Variants in ZNF215 observed in about 807,000 individuals in gnomAD.
The protein encoded by ZNF215 is zinc finger protein 215, also known as BWSCR2-associated zinc finger protein 2.
In ZNF215, 24 loss-of-function variants were observed where a neutral mutation model predicts 27.2. That is an observed-to-expected ratio of 0.88 (90% CI 0.64 to 1.24). The LOEUF is 1.24. Among genes scored for constraint, ZNF215 ranks in the 50% most tolerant of loss-of-function variants. The pLI is 0.00. For synonymous variants in ZNF215, 210 were observed against 204.0 expected, an observed-to-expected ratio of 1.03 and a Z score of -0.25; for missense variants, 675 against 605.7, an observed-to-expected ratio of 1.11 and a Z score of -1.20.
chr11:6,978,678 G>A (rs1850882581), intron 5 of ZNF215, among the ~76,000 whole-genome samples: 1 of 151,844 alleles, frequency 6.6e-6, no homozygotes, highest in South Asian at 2.1e-4. Context: ...CAGTGCTTTG[G>A]GAAGCTGATG....
At chr11:6,943,321 A>G (rs1163977120) in intron 5 of ZNF215, 106 bp downstream of exon 5, 8 of 1,479,714 alleles carry the variant, frequency 5.4e-6, no homozygotes, top group Non-Finnish European at 7.3e-6. Context: ...GTCTGGGTTG[A>G]GGTTTGCTAA....
chr11:6,990,267 T>C (rs146902317), downstream of ZNF215, among the ~76,000 whole-genome samples: 315 of 152,318 alleles, frequency 2.1e-3, 3 homozygotes, highest in Admixed American at 5.6e-3. Context: ...ACTGCTGCTG[T>C]ACCTCAGCCC....
chr11:6,941,123 C>T (rs1216318054), intron 3 of ZNF215, among the ~76,000 whole-genome samples: 1 of 152,176 alleles, frequency 6.6e-6, no homozygotes, highest in Admixed American at 6.5e-5. Context: ...ATAGTAAGCA[C>T]AGAGCAACTT....
chr11:6,945,213 T>C (rs931458693), intron 6 of ZNF215, among the ~76,000 whole-genome samples: 1 of 152,180 alleles, frequency 6.6e-6, no homozygotes, highest in Non-Finnish European at 1.5e-5. Context: ...CTTTTCTTCC[T>C]TTCTAAGGTA....
At chr11:6,980,590 C>A (rs1850927624) in intron 5 of ZNF215, among the ~76,000 whole-genome samples, 1 of 148,386 alleles carries the variant, frequency 6.7e-6, no homozygotes, top group Non-Finnish European at 1.5e-5. Context: ...TGAAATTAAA[C>A]TGATCTTAGT....
At chr11:6,978,893 A>G (rs1261095931) in intron 5 of ZNF215, among the ~76,000 whole-genome samples, 1 of 152,152 alleles carries the variant, frequency 6.6e-6, no homozygotes, top group Non-Finnish European at 1.5e-5. Flanking sequence ...TAGTTGAATT[A>G]TAAGATGAAC....
At chr11:6,943,363 C>G (rs1849695871) in intron 5 of ZNF215, 148 bp downstream of exon 5, 5 of 1,316,030 alleles carry the variant, frequency 3.8e-6, no homozygotes, top group Non-Finnish European at 5.2e-6. Flanking sequence ...GATTTTCTGA[C>G]TCATCTGGAT....
intron 5 of ZNF215, among the ~76,000 whole-genome samples, chr11:6,963,140 C>T (rs1330143417): frequency 1.3e-5 from 2 of 152,074 alleles, no homozygotes; most frequent in Non-Finnish European, 2.9e-5. Context: ...ATCACACAGT[C>T]ATGTAACTAC....
At chr11:6,954,475 G>T (rs1004068818) in intron 6 of ZNF215, among the ~76,000 whole-genome samples, 48 of 152,218 alleles carry the variant, frequency 3.2e-4, no homozygotes, top group Non-Finnish European at 5.6e-4. Context: ...CTGCCACCTT[G>T]CAGTTTGATG....
chr11:6,972,845 C>T (rs572557263), intron 5 of ZNF215, among the ~76,000 whole-genome samples: 6 of 152,196 alleles, frequency 3.9e-5, no homozygotes, highest in Non-Finnish European at 7.4e-5. Context: ...GCTGATCTGT[C>T]GAGAAATTCA....
chr11:6,971,062 C>T (rs966687178), intron 5 of ZNF215, among the ~76,000 whole-genome samples: 1 of 151,936 alleles, frequency 6.6e-6, no homozygotes, highest in East Asian at 1.9e-4. Flanking sequence ...GGAGGAAATA[C>T]CCCTTCAGCC....
chr11:6,984,260 A>C (rs921054102), exon 6 of ZNF215: 1 of 239,678 alleles, frequency 4.2e-6, no homozygotes. Context: ...GGCACCCACC[A>C]CCATGCCTAG....
chr11:6,959,063 T>A (rs929380681), downstream of ZNF215, among the ~76,000 whole-genome samples: 1 of 152,174 alleles, frequency 6.6e-6, no homozygotes, highest in African/African-American at 2.4e-5. Flanking sequence ...CATCCTTCAA[T>A]CCAATCAAGT....
intron 5 of ZNF215, among the ~76,000 whole-genome samples, chr11:6,973,034 C>T (rs1850750003): frequency 6.6e-6 from 1 of 151,908 alleles, no homozygotes; most frequent in South Asian, 2.1e-4. Context: ...TTAAGTATAT[C>T]TCATAATGCT....
intron 6 of ZNF215, among the ~76,000 whole-genome samples, chr11:6,954,026 A>G (rs930606691): frequency 1.1e-4 from 16 of 152,204 alleles, no homozygotes; most frequent in African/African-American, 3.6e-4. Flanking sequence ...CCTGGGTACC[A>G]GCAATGGTGG....
intron 6 of ZNF215, among the ~76,000 whole-genome samples, chr11:6,951,385 C>G (rs1035678364): frequency 1.3e-5 from 2 of 152,284 alleles, no homozygotes; most frequent in South Asian, 2.1e-4. Flanking sequence ...GGTTGGTAAG[C>G]TATTGATTGT....
intron 2 of ZNF215, among the ~76,000 whole-genome samples, chr11:6,930,219 T>A (rs1849206036): frequency 6.6e-6 from 1 of 152,144 alleles, no homozygotes; most frequent in Non-Finnish European, 1.5e-5. Flanking sequence ...TCCTGGTTCC[T>A]ATTGGAGAAT....
intron 5 of ZNF215, among the ~76,000 whole-genome samples, chr11:6,967,922 C>A (rs987041652): frequency 1.3e-5 from 2 of 152,074 alleles, no homozygotes; most frequent in African/African-American, 4.8e-5. Flanking sequence ...GGTTTTAGGT[C>A]TTACGTTTGT....
At chr11:6,934,944 GTA>G (rs1440987366) in intron 3 of ZNF215, among the ~76,000 whole-genome samples, 2 of 152,184 alleles carry the variant, frequency 1.3e-5, no homozygotes, top group Non-Finnish European at 1.5e-5. Context: ...AGGTTGCAGG[GTA>G]ATACAGAACT....
Sources: gnomAD v4.1 joint callset for allele counts (sites outside exome capture counted in the v4.1 genomes callset) on GRCh38, gnomAD v4.1.1 for gene constraint, MANE v1.5 for transcripts, NCBI Gene and HGNC (gene_info 2026-07-23, HGNC 2026-07-21) for gene names.